Variants in BAG6 observed in about 807,000 individuals in gnomAD.
The protein encoded by BAG6 is BAG cochaperone 6.
In BAG6, 22 loss-of-function variants were observed where a neutral mutation model predicts 121.0. The ratio of observed to expected loss-of-function variants is 0.18; its 90% confidence interval spans 0.13 to 0.26. The LOEUF is 0.26. Among genes scored for constraint, BAG6 ranks in the 10% least tolerant of loss-of-function variants. The probability of loss-of-function intolerance (pLI) is 1.00; values close to 1 mark genes in which losing one functional copy is unlikely to be tolerated. For synonymous variants in BAG6, 583 were observed against 584.6 expected (o/e 1.00, Z 0.04); for missense variants, 1,233 against 1,537.7 (o/e 0.80, Z 3.31).
Position 31,640,736 on chromosome 6 carries a change from C to T in BAG6, c.2935-32G>A. ...AATTAAAGAACACCATACTTCCTCT[C>T]AGATCTCTCCAGTTCTCTCAAGTAC... On this transcript the variant is annotated intron_variant, in intron 21 of 25. Coordinates refer to ENST00000676615, the MANE Select transcript of BAG6 (RefSeq NM_001387994.1). This position sits in a 1 kb window ranked among gnomAD's most constrained non-coding sequence, Gnocchi z 4.2. The T allele has an allele frequency of 6.2e-7, 1 of 1,613,004 alleles. No homozygotes were observed.
intron 1 of BAG6, 147 bp from the exon 2 acceptor site, chr6:31,651,923 T>G: frequency 1.8e-6 from 1 of 568,034 alleles, no homozygotes; most frequent in Non-Finnish European, 3.2e-6. Flanking sequence ...CCCCTTCTGA[T>G]TCCGGGGCAC....
At position 31,642,870 on chromosome 6, in the gene BAG6, C is replaced by T. The variant is rs1784334888; in HGVS notation, c.2002G>A (p.Gly668Ser). 1.2e-6 allele frequency: 2 copies of T among 1,612,396 alleles called. No homozygotes were observed. The highest frequency in any genetic ancestry group is 1.7e-6 in the Non-Finnish European group (2 of 1,179,500). ...ATGCCTTGGAGAAAGGCAGGGACAC[C>T]AGGCATCGCCACAGTGATGGTGGGA... ...ASPTITVAMPGVPAFLQGMTD... is the reference protein window; with the variant it reads ...ASPTITVAMPSVPAFLQGMTD... The change falls in exon 15 of 26, where the codon GGT (glycine) becomes AGT (serine). Residue 668 changes from glycine to serine, a missense_variant. This residue lies in a region of BAG6 where 777 missense variants were observed against 861.4 expected (regional missense o/e 0.90). Coordinates refer to ENST00000676615, the MANE Select transcript of BAG6 (RefSeq NM_001387994.1).
Position 31,644,056 on chromosome 6 carries a change from A to G in BAG6, c.1668+26T>C, listed in dbSNP as rs1191760749. The G allele has an allele frequency of 6.2e-7, 1 of 1,612,864 alleles. No homozygotes were observed. Among genetic ancestry groups the G allele is most frequent in the Admixed American group, 1.7e-5 (1 of 59,964 alleles). On this transcript the variant is annotated intron_variant, in intron 13 of 25. Coordinates refer to ENST00000676615, the MANE Select transcript of BAG6 (RefSeq NM_001387994.1). The surrounding 1 kb of genome is among the most constrained non-coding windows in gnomAD (Gnocchi z 4.9). Reference sequence around the variant, plus strand: ...GGAGTCTCTCCCTAGACTGTTACGCACTAGAACTCCCCGACCCTTGCTCAC... The same window carrying G: ...GGAGTCTCTCCCTAGACTGTTACGCGCTAGAACTCCCCGACCCTTGCTCAC...
In BAG6 at chr6:31,648,920, G is replaced by A; in HGVS notation, c.468C>T (p.Ala156=). Residue 156 remains alanine (A), a synonymous_variant, in exon 5 of 26, where the codon GCC becomes GCT. Coordinates refer to ENST00000676615, the MANE Select transcript of BAG6 (RefSeq NM_001387994.1). The part of the protein sequence containing the change: ...AVDVHINMEQ[A]PIQSEPRVRL... The stretch of plus-strand genomic sequence containing the variant: ...GGAGGCCCCTCAATACCTGAATCGG[G>A]GCCTGTTCCATGTTGATGTGAACAT... 1 of 1,535,438 alleles carries A rather than the reference G, an allele frequency of 6.5e-7. No individual in the cohort carries two copies. The highest frequency in any genetic ancestry group is 8.7e-7 in the Non-Finnish European group (1 of 1,143,096).
intron 16 of BAG6, 38 bp downstream of exon 16, chr6:31,642,074 C>T: frequency 6.2e-7 from 1 of 1,601,464 alleles, no homozygotes; most frequent in South Asian, 1.1e-5. Flanking sequence ...CTCTGGCTGC[C>T]CCTTCCTGGA....
chr6:31,644,980 C>T lies in BAG6; in HGVS notation c.1335G>A (p.Val445=). Residue 445 remains valine, a synonymous_variant, in exon 10 of 26, where the codon GTG becomes GTA. Coordinates refer to ENST00000676615, the MANE Select transcript of BAG6 (RefSeq NM_001387994.1). The surrounding 1 kb of genome is among the most constrained non-coding windows in gnomAD (Gnocchi z 4.9). ...PRVIRISHQS[V]EPVVMMHMNI... ...TCATGTGCATCATGACCACGGGTTCCACACTCTGGTGGGAAATCCGGATGA... is the reference window on the plus strand; with the variant it reads ...TCATGTGCATCATGACCACGGGTTCTACACTCTGGTGGGAAATCCGGATGA... The T allele has an allele frequency of 6.2e-7, 1 of 1,602,772 alleles. No homozygotes were observed. Among genetic ancestry groups the T allele is most frequent in the Non-Finnish European group, 8.5e-7 (1 of 1,174,102 alleles).
At position 31,649,260 on chromosome 6, in the gene BAG6, C is replaced by G; in HGVS notation, c.362G>C (p.Gly121Ala). ...GGSPPGTRGPGASVHDRNANS... is the reference protein window; with the variant it reads ...GGSPPGTRGPAASVHDRNANS... ...GGCATTCCGGTCATGAACAGAGGCC[C>G]CAGGCCCCCGAGTACCAGGGGGGGA... The change falls in exon 4 of 26, where the codon GGG becomes GCG. Residue 121 changes from glycine to alanine, a missense_variant. Gly to Ala is a moderately conservative substitution (Grantham distance 60). This residue lies in a region of BAG6 where 777 missense variants were observed against 861.4 expected (regional missense o/e 0.90). Transcript: ENST00000676615. 6.2e-7 allele frequency: 1 copy of G among 1,613,078 alleles called. No homozygotes were observed. The highest frequency in any genetic ancestry group is 8.5e-7 in the Non-Finnish European group (1 of 1,180,030).
chr6:31,646,650 AC>A, intron 7 of BAG6, 127 bp from the exon 8 acceptor site: 1 of 1,219,302 alleles, frequency 8.2e-7, no homozygotes, highest in African/African-American at 1.5e-5. Context: ...CCTTCTCTGG[AC>A]CAGCAGAGCT....
intron 1 of BAG6, 74 bp from the exon 2 acceptor site, chr6:31,651,850 A>C: frequency 9.1e-7 from 1 of 1,099,858 alleles, no homozygotes; most frequent in South Asian, 1.2e-5. Context: ...CCTAGCATTA[A>C]TCCCTGCCCC....
intron 14 of BAG6, among the ~76,000 whole-genome samples, chr6:31,643,595 G>T (rs1056821160): frequency 6.6e-6 from 1 of 151,398 alleles, no homozygotes; most frequent in African/African-American, 2.4e-5. Context: ...GTGGTGGCGT[G>T]CACCTGTAGT....
chr6:31,646,518 G>A lies in BAG6; in HGVS notation c.794C>T (p.Pro265Leu). 6.2e-7 allele frequency: 1 copy of A among 1,612,540 alleles called. No individual in the cohort carries two copies. Reference sequence around the variant, plus strand: ...CACCTCGACATACTCCGCAGGGGAAGGATGGCTGTGGACAAACCCAAGGGG... The same window carrying A: ...CACCTCGACATACTCCGCAGGGGAAAGATGGCTGTGGACAAACCCAAGGGG... ...PAPETNAPNH[P>L]SPAEYVEVLQ... is the part of the protein sequence containing the mutation. Residue 265 changes from proline to leucine, a missense_variant, in exon 8 of 26, where the codon CCT (proline) becomes CTT (leucine). Pro to Leu is a moderately conservative substitution (Grantham distance 98). This residue lies in a region of BAG6 where 777 missense variants were observed against 861.4 expected (regional missense o/e 0.90). Coordinates refer to ENST00000676615, the MANE Select transcript of BAG6 (RefSeq NM_001387994.1).
Position 31,640,124 on chromosome 6 carries a change from C to CT in BAG6, c.3246+74dup, listed in dbSNP as rs1479735108. On this transcript the variant is annotated intron_variant, in intron 24 of 25. Transcript: ENST00000676615. This position sits in a 1 kb window ranked among gnomAD's most constrained non-coding sequence, Gnocchi z 4.2. ...ACTGAATAACAAGAGCTCCCACCAT[C>CT]TCTACATAGTTTGATTCCAGGCATG... is the stretch of plus-strand genomic sequence containing the variant. The CT allele has an allele frequency of 9.5e-5, 138 of 1,455,194 alleles. No individual in the cohort carries two copies. Among genetic ancestry groups the CT allele is most frequent in the Middle Eastern group, 2.3e-4 (1 of 4,378 alleles). 90.1% of individuals were successfully genotyped at this position (1,455,194 alleles called of 1,614,324 possible). A position where few individuals can be genotyped will look rare whatever the true frequency, so the allele number is the denominator to read the frequency against.
At position 31,640,891 on chromosome 6, in the gene BAG6, G is replaced by A. The variant is rs1432618153; in HGVS notation, c.2835C>T (p.Thr945=). The stretch of plus-strand genomic sequence containing the variant: ...CCTGAAGCCTCAGTCCCATCATAGT[G>A]GTCAGCCAGCTCACCAAGGAGGGAT... The part of the protein sequence containing the change: ...GVNPSLVSWL[T]TMMGLRLQVV... The change falls in exon 21 of 26, where the codon ACC becomes ACT. Residue 945 remains threonine, a synonymous_variant. Transcript: ENST00000676615. This position sits in a 1 kb window ranked among gnomAD's most constrained non-coding sequence, Gnocchi z 4.2. The A allele has an allele frequency of 1.1e-5, 18 of 1,612,542 alleles. No homozygotes were observed. Among genetic ancestry groups the A allele is most frequent in the African/African-American group, 9.4e-5 (7 of 74,854 alleles).
At chr6:31,642,606 G>A (rs1473211927) in intron 15 of BAG6, 5 of 659,042 alleles carry the variant, frequency 7.6e-6, no homozygotes, top group Non-Finnish European at 1.3e-5. Flanking sequence ...CTCTGAACAG[G>A]CTGTCAGAAA....
intron 14 of BAG6, among the ~76,000 whole-genome samples, chr6:31,643,608 C>T (rs1334715630): frequency 2.0e-5 from 3 of 147,354 alleles, no homozygotes; most frequent in Non-Finnish European, 4.5e-5. Flanking sequence ...CCTGTAGTCC[C>T]AGCTACTCAG....
Position 31,640,631 on chromosome 6 carries a change from C to T in BAG6, c.2994+14G>A, listed in dbSNP as rs777860050. On this transcript the variant is annotated intron_variant, in intron 22 of 25. Transcript: ENST00000676615. The surrounding 1 kb of genome is among the most constrained non-coding windows in gnomAD (Gnocchi z 4.2). ...ACATTATCTGGCCCCTCAACCTCCCCCTCTCTAGAGTACCTGAGGCTCAGG... is the reference window on the plus strand; with the variant it reads ...ACATTATCTGGCCCCTCAACCTCCCTCTCTCTAGAGTACCTGAGGCTCAGG... 1 of 1,612,956 alleles carries T rather than the reference C, an allele frequency of 6.2e-7. No homozygotes were observed. The highest frequency in any genetic ancestry group is 8.5e-7 in the Non-Finnish European group (1 of 1,179,948).
chr6:31,639,240 G>GTT lies in BAG6; in HGVS notation c.3394-15_3394-14insAA. The GTT allele has an allele frequency of 1.3e-6, 2 of 1,597,184 alleles. No individual in the cohort carries two copies. The highest frequency in any genetic ancestry group is 1.7e-6 in the Non-Finnish European group (2 of 1,167,784). On this transcript the variant is annotated splice_polypyrimidine_tract_variant and intron_variant, in intron 25 of 25. Coordinates refer to ENST00000676615, the MANE Select transcript of BAG6 (RefSeq NM_001387994.1). ...ATCAGACCGGAGCTAAAGAGAAAAAGTAAGCAGGTTGGAGAAACGCTGGCC... is the reference window on the plus strand; with the variant it reads ...ATCAGACCGGAGCTAAAGAGAAAAAGTTTAAGCAGGTTGGAGAAACGCTGGCC...
rs766417906 is a variant in BAG6 at position 31,647,794 on chromosome 6, C to T, written c.585G>A (p.Gln195=). 3.2e-6 allele frequency: 5 copies of T among 1,575,356 alleles called. No individual in the cohort carries two copies. The Admixed American group carries it at 9.8e-5, about 31-fold the overall frequency. The change falls in exon 7 of 26, where the codon CAG becomes CAA. Residue 195 remains glutamine, a synonymous_variant. Coordinates refer to ENST00000676615, the MANE Select transcript of BAG6 (RefSeq NM_001387994.1). The stretch of plus-strand genomic sequence containing the variant: ...TCACAGCCGGTGGCTGCGGGGGCGG[C>T]TGACTGTGCTGCGGTTGGGGCCCTC... ...CRGGPQPQHS[Q]PPPQPPAVTP...
rs746746906 is a variant in BAG6, at chr6:31,640,632, C to G, written c.2994+13G>C. On this transcript the variant is annotated intron_variant, in intron 22 of 25. Coordinates refer to ENST00000676615, the MANE Select transcript of BAG6 (RefSeq NM_001387994.1). The surrounding 1 kb of genome is among the most constrained non-coding windows in gnomAD (Gnocchi z 4.2). The stretch of plus-strand genomic sequence containing the variant: ...CATTATCTGGCCCCTCAACCTCCCC[C>G]TCTCTAGAGTACCTGAGGCTCAGGG... 3.7e-6 allele frequency: 6 copies of G among 1,612,854 alleles called. No individual in the cohort carries two copies. The highest frequency in any genetic ancestry group is 2.2e-5 in the East Asian group (1 of 44,900).
Sources: gnomAD v4.1 joint callset for allele counts (sites outside exome capture counted in the v4.1 genomes callset) on GRCh38, gnomAD v4.1.1 for gene constraint, gnomAD v4.1.1 regional missense constraint, Gnocchi (gnomAD v3.1) non-coding constraint, MANE v1.5 for transcripts, NCBI Gene and HGNC (gene_info 2026-07-23, HGNC 2026-07-21) for gene names.